Variants in MSI2 observed in about 807,000 individuals in gnomAD.
MSI2 encodes musashi RNA binding protein 2, also known as RNA-binding protein Musashi homolog 2.
A neutral mutation model predicts 45.6 loss-of-function variants in MSI2; 17 were observed. That is an observed-to-expected ratio of 0.37 (90% confidence interval 0.26 to 0.56). The LOEUF (loss-of-function observed/expected upper bound fraction) is 0.56. MSI2 is among the 20% of genes least tolerant of loss of function. The probability of loss-of-function intolerance (pLI) is 0.77; values close to 1 mark genes in which losing one functional copy is unlikely to be tolerated. For synonymous variants in MSI2, 156 were observed against 158.2 expected (o/e 0.99, Z 0.11); for missense variants, 293 against 444.2 (o/e 0.66, Z 3.06).
chr17:57,482,654 G>A (rs277070), intron 6 of MSI2, among the ~76,000 whole-genome samples: 123,016 of 152,054 alleles, frequency 0.81, 49,959 homozygotes, highest in East Asian at 0.9. Flanking sequence ...TGAAGCATGA[G>A]AAGTTTGGGG....
At chr17:57,545,142 T>G (rs73991896) in intron 7 of MSI2, among the ~76,000 whole-genome samples, 2 of 152,158 alleles carry the variant, frequency 1.3e-5, no homozygotes, top group African/African-American at 4.8e-5. Context: ...TATAGCAGAT[T>G]TTCCCCCCTC....
chr17:57,578,502 T>G (rs566633085), intron 7 of MSI2, among the ~76,000 whole-genome samples: 1 of 152,060 alleles, frequency 6.6e-6, no homozygotes, highest in East Asian at 1.9e-4. Flanking sequence ...CATCCCCAGC[T>G]GTATTCATTT....
chr17:57,417,137 A>G (rs1404369145), intron 6 of MSI2, among the ~76,000 whole-genome samples: 1 of 152,108 alleles, frequency 6.6e-6, no homozygotes, highest in African/African-American at 2.4e-5. Flanking sequence ...GCTGTTCCCT[A>G]TGGTGGCCGC....
In MSI2 at chr17:57,371,493, T is replaced by C. The variant is rs181308444; in HGVS notation, c.313-29886T>C. 1.9e-3 allele frequency among the ~76,000 whole-genome samples: 264 copies of C among 135,794 alleles called. 1 individual carries two copies. The highest frequency in any genetic ancestry group is 5.7e-3 in the African/African-American group (207 of 36,560). The allele number at this position is 135,794 out of a possible 152,430, so 89.1% of individuals were successfully genotyped here. A position where few individuals can be genotyped will look rare whatever the true frequency, so the allele number is the denominator to read the frequency against. On this transcript the variant is annotated intron_variant, in intron 5 of 13. Transcript: ENST00000284073. ...ATGAACATTTCGGTACATTTTTTTCTGTCCTTTTTCATGGCAAAAAAAAAA... is the reference window on the plus strand; with the variant it reads ...ATGAACATTTCGGTACATTTTTTTCCGTCCTTTTTCATGGCAAAAAAAAAA...
intron 10 of MSI2, chr17:57,629,602 A>C (rs1467293937): frequency 3.3e-5 from 5 of 152,436 alleles, no homozygotes; most frequent in African/African-American, 1.2e-4. Flanking sequence ...CAGTGCCTAA[A>C]GGAAGAGGGC....
intron 5 of MSI2, among the ~76,000 whole-genome samples, chr17:57,340,415 G>C (rs1442717872): frequency 6.6e-6 from 1 of 152,214 alleles, no homozygotes; most frequent in Non-Finnish European, 1.5e-5. Context: ...GGGCTCTTTG[G>C]AGGCTGAAAT....
At chr17:57,575,145 ACTCC>A (rs2087994658) in intron 7 of MSI2, among the ~76,000 whole-genome samples, 1 of 102,860 alleles carries the variant, frequency 9.7e-6, no homozygotes, top group African/African-American at 4.5e-5. Context: ...CTCTTTTTTA[ACTCC>A]CTCCCCCCGC....
intron 5 of MSI2, among the ~76,000 whole-genome samples, chr17:57,347,603 G>A (rs190014754): frequency 6.6e-6 from 1 of 152,264 alleles, no homozygotes; most frequent in Admixed American, 6.5e-5. Flanking sequence ...TATTGGAGTT[G>A]TTCTGTCTTC....
At chr17:57,324,722 C>T (rs1378901796) in intron 5 of MSI2, among the ~76,000 whole-genome samples, 2 of 152,214 alleles carry the variant, frequency 1.3e-5, no homozygotes, top group Admixed American at 1.3e-4. Context: ...GGACCTTTCC[C>T]TCCTCCTTCA....
At chr17:57,648,131 TCGTG>T (rs1437575275) in intron 10 of MSI2, among the ~76,000 whole-genome samples, 4 of 111,370 alleles carry the variant, frequency 3.6e-5, no homozygotes, top group Non-Finnish European at 3.8e-5. Context: ...CCTGGCTAAT[TCGTG>T]TGTGTGTGTG....
intron 5 of MSI2, among the ~76,000 whole-genome samples, chr17:57,391,844 G>C (rs2083798287): frequency 6.6e-6 from 1 of 152,236 alleles, no homozygotes; most frequent in African/African-American, 2.4e-5. Flanking sequence ...TTCAAAAACA[G>C]TGAAGGTTTC....
intron 6 of MSI2, among the ~76,000 whole-genome samples, chr17:57,416,464 A>G (rs2084296105): frequency 6.6e-6 from 1 of 152,176 alleles, no homozygotes; most frequent in African/African-American, 2.4e-5. Flanking sequence ...CTCCCATAGG[A>G]AGCAGCCGCT....
chr17:57,510,400 G>GTT lies in MSI2; in HGVS notation c.406-19266_406-19265dup, dbSNP rs34773035. On this transcript the variant is annotated intron_variant, in intron 6 of 13. Coordinates refer to ENST00000284073, the MANE Select transcript of MSI2 (RefSeq NM_138962.4). ...TCCTAAATAATGTTGCACTCCTCTTGTTTTTTTTTTTGTTTGTTTGTTTGT... is the reference window on the plus strand; with the variant it reads ...TCCTAAATAATGTTGCACTCCTCTTGTTTTTTTTTTTTTGTTTGTTTGTTTGT... Among the ~76,000 whole-genome samples, 171 of 148,204 alleles carry GTT rather than the reference G, an allele frequency of 1.2e-3. 1 individual carries two copies. The highest frequency in any genetic ancestry group is 1.1e-3 in the African/African-American group (46 of 40,272).
At chr17:57,285,657 A>C (rs1030961990) in intron 5 of MSI2, among the ~76,000 whole-genome samples, 17 of 152,188 alleles carry the variant, frequency 1.1e-4, no homozygotes, top group Non-Finnish European at 2.4e-4. Context: ...TGTTCTTAGT[A>C]GGTGTTTTGA....
chr17:57,311,310 G>A (rs1343377181), intron 5 of MSI2, among the ~76,000 whole-genome samples: 25 of 152,202 alleles, frequency 1.6e-4, no homozygotes, highest in Non-Finnish European at 8.8e-5. Flanking sequence ...GACAGCTCAA[G>A]GATGGAGGTG....
chr17:57,675,075 CA>C lies in MSI2; in HGVS notation c.895del (p.Ile299Ter). 1 of 1,614,082 alleles carries C rather than the reference CA, an allele frequency of 6.2e-7. No homozygotes were observed. Among genetic ancestry groups the C allele is most frequent in the Non-Finnish European group, 8.5e-7 (1 of 1,180,012 alleles). ...ASQDSGVGNY[I>X]SAASPQPGSG... ...GCCAGGACTCCGGAGTGGGGAATTA[CA>C]TAAGTGCGGCCAGCCCACAGCCGGG... is the stretch of plus-strand genomic sequence containing the variant. On this transcript the variant is annotated frameshift_variant, in exon 12 of 14. Coordinates refer to ENST00000284073, the MANE Select transcript of MSI2 (RefSeq NM_138962.4). LOFTEE classifies it high-confidence loss of function.
chr17:57,583,221 A>G (rs1156603389), intron 7 of MSI2, among the ~76,000 whole-genome samples: 1 of 152,224 alleles, frequency 6.6e-6, no homozygotes, highest in Non-Finnish European at 1.5e-5. Context: ...GCCAGATCGC[A>G]TAATCTATAC....
chr17:57,700,283 ATGTAT>A, the MSI2 span, among the ~76,000 whole-genome samples: 37 of 152,308 alleles, frequency 2.4e-4, no homozygotes, highest in African/African-American at 8.7e-4. Context: ...TAAAGTAGAA[ATGTAT>A]TGTATTGCCA....
Position 57,547,789 on chromosome 17 carries a change from C to CACACACACACACAT in MSI2, c.454+18065_454+18066insACACACACACACAT, listed in dbSNP as rs1555621979. On this transcript the variant is annotated intron_variant, in intron 7 of 13. Transcript: ENST00000284073. ...ACACACACACACACACACACACACA[C>CACACACACACACAT]GTCTCTGGAGAATTAACATAACCTA... Among the ~76,000 whole-genome samples, 360 of 145,188 alleles carry CACACACACACACAT rather than the reference C, an allele frequency of 2.5e-3. 3 individuals carry two copies. The highest frequency in any genetic ancestry group is 7.3e-3 in the Middle Eastern group (2 of 274).
Sources: allele counts gnomAD v4.1 joint callset (sites outside exome capture counted in the v4.1 genomes callset), GRCh38; gene constraint gnomAD v4.1.1; transcripts MANE v1.5; gene names NCBI Gene and HGNC (gene_info 2026-07-23, HGNC 2026-07-21).